Variants in SPIN3 observed in about 807,000 individuals in gnomAD.
SPIN3 encodes the protein spindlin-3.
For missense variants in SPIN3, 176 were observed against 196.4 expected (o/e 0.90, Z 0.62); for synonymous variants, 74 against 74.3 (o/e 1.00, Z 0.02).
At chrX:56,989,761 A>C (rs1289476946), downstream of SPIN3, among the ~76,000 whole-genome samples, 1 of 111,576 alleles carries the variant, frequency 9.0e-6, no homozygotes, top group Non-Finnish European at 1.9e-5. Context: ...TCCTTATGAG[A>C]ATCTAATGCC....
chrX:56,994,869 T>C lies in SPIN3; in HGVS notation c.79A>G (p.Met27Val), dbSNP rs1178307851. The C allele has an allele frequency of 3.3e-6, 4 of 1,209,999 alleles. No homozygotes were observed. The Admixed American group carries it at 6.5e-5, about 20-fold the overall frequency. ...TTGTGTGCAGCCTTCCTCTTTATCA[T>C]GGTAACAGACACACTGCCGTGGCCA... ...GAGHGSVSVT[M>V]IKRKAAHKKH... Residue 27 changes from methionine to valine, a missense_variant, in exon 2 of 2, where the codon ATG (methionine) becomes GTG (valine). Coordinates refer to ENST00000374919, the MANE Select transcript of SPIN3 (RefSeq NM_001010862.3).
intron 3 of SPIN3, among the ~76,000 whole-genome samples, chrX:56,983,740 A>G (rs760495541): frequency 1.5e-4 from 17 of 112,764 alleles, no homozygotes; most frequent in Non-Finnish European, 2.4e-4. Context: ...AGGCTCTGCA[A>G]GGTCAGTACT....
At position 56,994,237 on chromosome X, in the gene SPIN3, A is replaced by G. The variant is rs760285908; in HGVS notation, c.711T>C (p.Ser237=). The change falls in exon 2 of 2, where the codon TCT becomes TCC. Residue 237 remains serine (S), a synonymous_variant. Coordinates refer to ENST00000374919, the MANE Select transcript of SPIN3 (RefSeq NM_001010862.3). ...CATCATCAAATTTGATGAAGTACAC[A>G]GAGGGTTTTGCTTCTACCTGATGAA... ...MVIHQVEAKP[S]VYFIKFDDDF... is the part of the protein sequence containing the mutation. 2.5e-6 allele frequency: 3 copies of G among 1,211,549 alleles called. No homozygotes were observed. The South Asian group carries it at 5.3e-5, about 21-fold the overall frequency.
chrX:56,994,906 G>A lies in SPIN3; in HGVS notation c.42C>T (p.Ser14=), dbSNP rs767518033. 8.3e-7 allele frequency: 1 copy of A among 1,205,567 alleles called. No individual in the cohort carries two copies. Among genetic ancestry groups the A allele is most frequent in the African/African-American group, 1.7e-5 (1 of 57,723 alleles). ...CACTGCCGTGGCCAGCGCCCGTCCTGGACCGCTGCCCTGCAGCTGCCTTTC... is the reference window on the plus strand; with the variant it reads ...CACTGCCGTGGCCAGCGCCCGTCCTAGACCGCTGCCCTGCAGCTGCCTTTC... The part of the protein sequence containing the change: ...PFGKAAAGQR[S]RTGAGHGSVS... The change falls in exon 2 of 2, where the codon TCC becomes TCT. Residue 14 remains serine (S), a synonymous_variant. Coordinates refer to ENST00000374919, the MANE Select transcript of SPIN3 (RefSeq NM_001010862.3).
At chrX:56,982,164 C>T (rs1213158211) in intron 3 of SPIN3, 1 of 111,504 alleles carries the variant, frequency 9.0e-6, no homozygotes, top group Non-Finnish European at 1.9e-5. Context: ...CACCCAGGAT[C>T]ATGATGGAAT....
rs1307575755 is a variant in SPIN3 at position 56,995,247 on chromosome X, C to A, written c.-34G>T. 1.7e-5 allele frequency: 5 copies of A among 288,374 alleles called. No individual in the cohort carries two copies. Among genetic ancestry groups the A allele is most frequent in the Non-Finnish European group, 3.0e-5 (5 of 165,161 alleles). 23.8% of individuals were successfully genotyped at this position (288,374 alleles called of 1,213,427 possible). ...AGGAGGCGCAGATTCCCCACCGTCC[C>A]GGATTGCGGGCCTCAAGTGCACAAA... On this transcript the variant is annotated 5_prime_UTR_variant, in exon 1 of 2. Transcript: ENST00000374919.
At chrX:56,982,377 C>A (rs182231490) in intron 3 of SPIN3, 1 of 111,481 alleles carries the variant, frequency 9.0e-6, no homozygotes, top group East Asian at 2.8e-4. Context: ...TTCTCAGTTT[C>A]TTCTTGTGAG....
chrX:56,980,297 A>C (rs1257966188), intron 3 of SPIN3: 1 of 111,469 alleles, frequency 9.0e-6, no homozygotes, highest in East Asian at 2.8e-4. Context: ...CTAGATATTC[A>C]TTCTTTGGGA....
At chrX:56,976,421 CT>C (rs1924007127), downstream of SPIN3, 1 of 111,834 alleles carries the variant, frequency 8.9e-6, no homozygotes, top group Non-Finnish European at 1.9e-5. Context: ...AACATTACAT[CT>C]CTTATACAAG....
intron 2 of SPIN3, among the ~76,000 whole-genome samples, chrX:56,985,530 T>A (rs1924206150): frequency 8.9e-6 from 1 of 112,351 alleles, no homozygotes; most frequent in Non-Finnish European, 1.9e-5. Context: ...ACACTGTAAC[T>A]GAGTCTTTTT....
At chrX:56,976,266 A>T (rs1053917272), downstream of SPIN3, 1 of 111,151 alleles carries the variant, frequency 9.0e-6, no homozygotes, top group African/African-American at 3.3e-5. Context: ...TTTTAGATCT[A>T]TTTTCTTTTT....
downstream of SPIN3, among the ~76,000 whole-genome samples, chrX:56,986,062 C>A (rs1386883257): frequency 9.0e-6 from 1 of 111,209 alleles, no homozygotes; most frequent in Non-Finnish European, 1.9e-5. Flanking sequence ...TTTGACATCC[C>A]ACATAATTTA....
In SPIN3 at chrX:56,994,329, C is replaced by T. The variant is rs781283837; in HGVS notation, c.619G>A (p.Asp207Asn). The change falls in exon 2 of 2, where the codon GAC (aspartate) becomes AAC (asparagine). Residue 207 changes from aspartate to asparagine, a missense_variant. Coordinates refer to ENST00000374919, the MANE Select transcript of SPIN3 (RefSeq NM_001010862.3). Reference sequence around the variant, plus strand: ...TCCACCTGTTTGCCTACCAGGCTGTCTATGACTTCTCCTGGCTCCCTCTCT... The same window carrying T: ...TCCACCTGTTTGCCTACCAGGCTGTTTATGACTTCTCCTGGCTCCCTCTCT... ...LAEREPGEVI[D>N]SLVGKQVEYA... 8.3e-7 allele frequency: 1 copy of T among 1,212,026 alleles called. No individual in the cohort carries two copies. Among genetic ancestry groups the T allele is most frequent in the Admixed American group, 2.2e-5 (1 of 46,081 alleles).
chrX:56,987,323 CT>C (rs371998580), downstream of SPIN3, among the ~76,000 whole-genome samples: 1,274 of 104,058 alleles, frequency 0.012, 9 homozygotes, highest in African/African-American at 0.037. Flanking sequence ...AGCCTTTCAA[CT>C]TTTTTTTTTT....
At chrX:56,985,840 C>T, downstream of SPIN3, among the ~76,000 whole-genome samples, 1 of 111,752 alleles carries the variant, frequency 8.9e-6, no homozygotes, top group African/African-American at 3.2e-5. Flanking sequence ...CAAAAACACA[C>T]TTATCTCTTA....
rs1924063527 is a variant in SPIN3, at chrX:56,979,169, C to T, written c.*205-509G>A. ...TAGGTATATGAGAGTCCTAGCTGTT[C>T]TACAAAACCTGATAGTGTAATCTGG... is the stretch of plus-strand genomic sequence containing the variant. On this transcript the variant is annotated intron_variant and NMD_transcript_variant, in intron 3 of 5. Coordinates refer to the SPIN3 transcript ENST00000475785. 3.6e-5 allele frequency: 4 copies of T among 111,246 alleles called. No homozygotes were observed. The Admixed American group carries it at 3.8e-4, about 11-fold the overall frequency. The allele number at this position is 111,246 out of a possible 1,213,427, so 9.2% of individuals were successfully genotyped here. A position where few individuals can be genotyped will look rare whatever the true frequency, so the allele number is the denominator to read the frequency against.
At chrX:56,988,342 GT>G (rs1924262988), downstream of SPIN3, among the ~76,000 whole-genome samples, 1 of 110,825 alleles carries the variant, frequency 9.0e-6, no homozygotes. Flanking sequence ...GAAAAGCCAA[GT>G]TTTTTTTGCC....
chrX:56,981,265 G>A (rs760905463), intron 3 of SPIN3, among the ~76,000 whole-genome samples: 1 of 107,984 alleles, frequency 9.3e-6, no homozygotes, highest in African/African-American at 3.4e-5. Flanking sequence ...TTGGGAGGCT[G>A]AGACAGAATT....
intron 3 of SPIN3, among the ~76,000 whole-genome samples, chrX:56,983,661 C>A (rs1365262838): frequency 8.9e-6 from 1 of 112,520 alleles, no homozygotes; most frequent in Admixed American, 9.4e-5. Flanking sequence ...AAATATTCAG[C>A]AAATAATAAA....
Sources: gnomAD v4.1 joint callset for allele counts (sites outside exome capture counted in the v4.1 genomes callset) on GRCh38, gnomAD v4.1.1 for gene constraint, MANE v1.5 for transcripts, NCBI Gene and HGNC (gene_info 2026-07-23, HGNC 2026-07-21) for gene names.